Variants in FOXP2 observed in about 807,000 individuals in gnomAD.
FOXP2 encodes the protein forkhead box protein P2.
In FOXP2, 12 loss-of-function variants were observed where a neutral mutation model predicts 115.8. The observed-to-expected ratio is 0.10, with a 90% CI of 0.07 to 0.17. The LOEUF is 0.17. Among genes scored for constraint, FOXP2 ranks in the 10% least tolerant of loss-of-function variants. The pLI is 1.00. For missense variants in FOXP2, 629 were observed against 843.5 expected, an observed-to-expected ratio of 0.75 and a Z score of 3.15; for synonymous variants, 328 against 297.7, an observed-to-expected ratio of 1.10 and a Z score of -1.05.
chr7:114,530,435 A>T (rs1482922878), intron 2 of FOXP2, among the ~76,000 whole-genome samples: 3 of 151,870 alleles, frequency 2.0e-5, no homozygotes, highest in Non-Finnish European at 4.4e-5. Flanking sequence ...TAATGTCTCA[A>T]ATGCAACAGG....
intron 2 of FOXP2, among the ~76,000 whole-genome samples, chr7:114,313,050 G>A (rs997905254): frequency 1.3e-5 from 2 of 152,112 alleles, no homozygotes; most frequent in African/African-American, 4.8e-5. Context: ...TGTGAAGAGG[G>A]GGAAATACAG....
intron 6 of FOXP2, among the ~76,000 whole-genome samples, chr7:114,632,751 T>C (rs939004641): frequency 4.6e-5 from 7 of 152,020 alleles, no homozygotes; most frequent in African/African-American, 1.7e-4. Context: ...ATTCACCTGA[T>C]TGAAGCACTC....
At position 114,691,463 on chromosome 7, in the gene FOXP2, C is replaced by T; in HGVS notation, c.*1537C>T. On this transcript the variant is annotated 3_prime_UTR_variant, in exon 17 of 17. Transcript: ENST00000350908. ...CCTCTGCTTATACGGGATATTAACA[C>T]TAACAATACACTCCCTTCAAAGACT... The T allele has an allele frequency of 2.2e-6, 1 of 453,982 alleles. No homozygotes were observed. Among genetic ancestry groups the T allele is most frequent in the Non-Finnish European group, 4.4e-6 (1 of 226,756 alleles). 28.1% of individuals were successfully genotyped at this position (453,982 alleles called of 1,614,324 possible).
At chr7:114,120,834 G>C (rs1376776566) in intron 1 of FOXP2, among the ~76,000 whole-genome samples, 1 of 151,962 alleles carries the variant, frequency 6.6e-6, no homozygotes, top group Non-Finnish European at 1.5e-5. Flanking sequence ...ACTTGTTTAA[G>C]GCCACACAGC....
chr7:114,482,951 C>T (rs141705834), intron 2 of FOXP2, among the ~76,000 whole-genome samples: 19 of 151,644 alleles, frequency 1.3e-4, no homozygotes, highest in African/African-American at 4.3e-4. Context: ...TGCCCTTTCA[C>T]CCTATGATTT....
chr7:114,099,514 C>A (rs1362395619), intron 1 of FOXP2, among the ~76,000 whole-genome samples: 3 of 152,182 alleles, frequency 2.0e-5, no homozygotes, highest in Admixed American at 6.5e-5. Context: ...ACAAATCCCT[C>A]TTCTAGGCAT....
At chr7:114,220,252 T>TA (rs896445695) in intron 1 of FOXP2, among the ~76,000 whole-genome samples, 7 of 151,412 alleles carry the variant, frequency 4.6e-5, no homozygotes, top group African/African-American at 1.5e-4. Flanking sequence ...TATTGCAATA[T>TA]AAAAAAAATA....
chr7:114,187,121 C>T (rs942136065), intron 1 of FOXP2, among the ~76,000 whole-genome samples: 1 of 152,184 alleles, frequency 6.6e-6, no homozygotes, highest in Non-Finnish European at 1.5e-5. Flanking sequence ...ATCAAATGGT[C>T]ACTGGGCTGC....
chr7:114,476,022 T>C (rs1796242599), intron 2 of FOXP2, among the ~76,000 whole-genome samples: 1 of 151,768 alleles, frequency 6.6e-6, no homozygotes, highest in Non-Finnish European at 1.5e-5. Context: ...ATCAATTCAA[T>C]ATCAATATAG....
In FOXP2 at chr7:114,630,019, A is replaced by G. The variant is rs1243994512; in HGVS notation, c.597+14A>G. ...CAAGCGAAAGAGGTAGGATCCGGTT[A>G]TCTCATTGATACATAACAGTTTGCA... On this transcript the variant is annotated intron_variant, in intron 5 of 16. Transcript: ENST00000350908. The G allele has an allele frequency of 3.1e-6, 5 of 1,608,224 alleles. No individual in the cohort carries two copies. The African/African-American group carries it at 6.7e-5, about 21-fold the overall frequency.
chr7:114,121,109 A>G (rs1791551305), intron 1 of FOXP2, among the ~76,000 whole-genome samples: 1 of 152,104 alleles, frequency 6.6e-6, no homozygotes, highest in African/African-American at 2.4e-5. Flanking sequence ...ATGTTGAAAT[A>G]TTAACCCCCA....
intron 15 of FOXP2, among the ~76,000 whole-genome samples, chr7:114,663,840 T>C (rs1807017680): frequency 6.6e-6 from 1 of 152,138 alleles, no homozygotes; most frequent in African/African-American, 2.4e-5. Context: ...ATCATAGTGT[T>C]GGGGAACATG....
intron 1 of FOXP2, among the ~76,000 whole-genome samples, chr7:114,137,589 T>C (rs918248184): frequency 2.0e-5 from 3 of 152,156 alleles, no homozygotes; most frequent in African/African-American, 7.2e-5. Context: ...ATATTCTGGC[T>C]GAAGTTCAGT....
intron 16 of FOXP2, among the ~76,000 whole-genome samples, chr7:114,678,126 A>G (rs1337657847): frequency 2.0e-5 from 3 of 152,232 alleles, no homozygotes; most frequent in Admixed American, 1.3e-4. Flanking sequence ...CGTGAAGTCA[A>G]TTTTTAGGTT....
chr7:114,390,077 T>C (rs1792554221), intron 2 of FOXP2, among the ~76,000 whole-genome samples: 1 of 147,812 alleles, frequency 6.8e-6, no homozygotes, highest in African/African-American at 2.5e-5. Context: ...TTAGTGACAG[T>C]GAAAGGTTTT....
intron 2 of FOXP2, among the ~76,000 whole-genome samples, chr7:114,382,302 G>C (rs1792325342): frequency 6.6e-6 from 1 of 152,194 alleles, no homozygotes; most frequent in Non-Finnish European, 1.5e-5. Flanking sequence ...TGAGGGTGAT[G>C]GCATGGGCTG....
In FOXP2 at chr7:114,415,019, C is replaced by T. The variant is rs746310762; in HGVS notation, c.-352C>T. The T allele has an allele frequency of 1.6e-5, 7 of 450,810 alleles. No individual in the cohort carries two copies. Among genetic ancestry groups the T allele is most frequent in the South Asian group, 9.4e-5 (6 of 63,842 alleles). The allele number at this position is 450,810 out of a possible 1,614,324, so 27.9% of individuals were successfully genotyped here. On this transcript the variant is annotated 5_prime_UTR_variant, in exon 1 of 17. In the 5' UTR this introduces an upstream ATG that the reference lacks. Coordinates refer to ENST00000350908, the MANE Select transcript of FOXP2 (RefSeq NM_014491.4). ...AGTCTTGAACCTTTGTCACCCCTCACGTTGCACACCAAAGACATACCCTAG... is the reference window on the plus strand; with the variant it reads ...AGTCTTGAACCTTTGTCACCCCTCATGTTGCACACCAAAGACATACCCTAG...
At chr7:114,179,580 A>C (rs1793404956) in intron 1 of FOXP2, among the ~76,000 whole-genome samples, 1 of 151,990 alleles carries the variant, frequency 6.6e-6, no homozygotes, top group Non-Finnish European at 1.5e-5. Context: ...CAGAAAAGAA[A>C]GTTGTCTATT....
intron 1 of FOXP2, among the ~76,000 whole-genome samples, chr7:114,180,809 C>G (rs1375544443): frequency 6.6e-6 from 1 of 151,910 alleles, no homozygotes; most frequent in East Asian, 1.9e-4. Flanking sequence ...TGATGCTATC[C>G]TAGTCTAAAA....
Sources: gnomAD v4.1 joint callset for allele counts (sites outside exome capture counted in the v4.1 genomes callset) on GRCh38, gnomAD v4.1.1 for gene constraint, MANE v1.5 for transcripts, NCBI Gene and HGNC (gene_info 2026-07-23, HGNC 2026-07-21) for gene names.